CERS6: variants seen among roughly 807,000 people sequenced by gnomAD.
CERS6 encodes the protein ceramide synthase 6.
In CERS6, 26 loss-of-function variants were observed where a neutral mutation model predicts 56.8. The ratio of observed to expected loss-of-function variants is 0.46; its 90% confidence interval spans 0.34 to 0.63. CERS6 has a LOEUF of 0.63. CERS6 is among the 30% of genes least tolerant of loss of function. The probability of loss-of-function intolerance (pLI) is 0.01; values close to 1 mark genes in which losing one functional copy is unlikely to be tolerated. For synonymous variants in CERS6, 164 were observed against 173.3 expected, an observed-to-expected ratio of 0.95 and a Z score of 0.42; for missense variants, 415 against 467.5, an observed-to-expected ratio of 0.89 and a Z score of 1.04.
chr2:168,497,878 A>G (rs1694500959), intron 1 of CERS6, among the ~76,000 whole-genome samples: 1 of 152,300 alleles, frequency 6.6e-6, no homozygotes, highest in East Asian at 1.9e-4. Context: ...CTGGAGATGA[A>G]GGTGGCTCTG....
intron 1 of CERS6, among the ~76,000 whole-genome samples, chr2:168,479,303 G>A (rs1694134301): frequency 6.6e-6 from 1 of 151,714 alleles, no homozygotes; most frequent in South Asian, 2.1e-4. Flanking sequence ...ATGTTTACTT[G>A]TTCAAAATGA....
intron 8 of CERS6, among the ~76,000 whole-genome samples, chr2:168,753,380 A>C (rs968926803): frequency 6.6e-6 from 1 of 152,244 alleles, no homozygotes; most frequent in Non-Finnish European, 1.5e-5. Context: ...GTTATTATTC[A>C]GTGCATATAG....
intron 1 of CERS6, among the ~76,000 whole-genome samples, chr2:168,466,842 G>A (rs1693889848): frequency 1.3e-5 from 2 of 152,120 alleles, no homozygotes; most frequent in African/African-American, 2.4e-5. Flanking sequence ...TACACAAATG[G>A]TTTTTAATTG....
intron 3 of CERS6, among the ~76,000 whole-genome samples, chr2:168,628,384 A>C (rs1445827196): frequency 6.6e-6 from 1 of 152,182 alleles, no homozygotes; most frequent in Admixed American, 6.5e-5. Context: ...TGATGTCTAT[A>C]GACTTGGCCC....
rs1340665115 is a variant in CERS6, at chr2:168,712,368, T to C, written c.610-2633T>C. ...CCAAGGGAATGTTGTAGGATGGAGT[T>C]TATGAAGACATCTGTAAGAATAAAA... On this transcript the variant is annotated intron_variant, in intron 6 of 9. Coordinates refer to ENST00000305747, the MANE Select transcript of CERS6 (RefSeq NM_203463.3). Among the ~76,000 whole-genome samples the C allele has an allele frequency of 6.6e-5, 10 of 152,336 alleles. No individual in the cohort carries two copies. The South Asian group carries it at 1.5e-3, about 22-fold the overall frequency.
Position 168,631,054 on chromosome 2 carries a change from C to G in CERS6, c.465+12C>G. 1 of 1,405,492 alleles carries G rather than the reference C, an allele frequency of 7.1e-7. No homozygotes were observed. The highest frequency in any genetic ancestry group is 2.4e-5 in the East Asian group (1 of 40,992). The allele number at this position is 1,405,492 out of a possible 1,614,324, so 87.1% of individuals were successfully genotyped here. ...GATTCCTGAAAAAGGTAGGATCTCT[C>G]AAACTATTTTACATGATTCTTATGT... On this transcript the variant is annotated intron_variant, in intron 4 of 9. Coordinates refer to ENST00000305747, the MANE Select transcript of CERS6 (RefSeq NM_203463.3).
At chr2:168,635,557 C>A (rs1684843823) in intron 4 of CERS6, among the ~76,000 whole-genome samples, 1 of 152,212 alleles carries the variant, frequency 6.6e-6, no homozygotes, top group Admixed American at 6.5e-5. Context: ...GCGGCTTGCA[C>A]AGTCTCTGCT....
At chr2:168,679,695 A>G (rs1686161746) in intron 4 of CERS6, among the ~76,000 whole-genome samples, 1 of 152,208 alleles carries the variant, frequency 6.6e-6, no homozygotes, top group African/African-American at 2.4e-5. Context: ...GAATCAGGTC[A>G]TTGGCCAACG....
chr2:168,552,537 G>T (rs1456701939), intron 2 of CERS6, among the ~76,000 whole-genome samples: 2 of 152,164 alleles, frequency 1.3e-5, no homozygotes, highest in African/African-American at 4.8e-5. Context: ...GAAGTGAAAA[G>T]CATGAAGTGT....
At chr2:168,636,297 A>G (rs1374948828) in intron 4 of CERS6, among the ~76,000 whole-genome samples, 12 of 152,224 alleles carry the variant, frequency 7.9e-5, no homozygotes, top group Non-Finnish European at 1.5e-4. Context: ...GTTAAAAACA[A>G]TAACAACAAC....
rs1684850986 is a variant in CERS6 at position 168,771,128 on chromosome 2, A to G, written c.*1466A>G. The G allele has an allele frequency of 6.6e-6, 1 of 152,274 alleles. No homozygotes were observed. The highest frequency in any genetic ancestry group is 1.5e-5 in the Non-Finnish European group (1 of 68,050). The allele number at this position is 152,274 out of a possible 1,614,324, so 9.4% of individuals were successfully genotyped here. ...AGAACGAACCCCAAACAAAAATGCC[A>G]TAATATAAATGTGTGAATCAGGGCT... On this transcript the variant is annotated 3_prime_UTR_variant, in exon 10 of 10. Coordinates refer to ENST00000305747, the MANE Select transcript of CERS6 (RefSeq NM_203463.3).
intron 4 of CERS6, among the ~76,000 whole-genome samples, chr2:168,644,777 G>C (rs943933232): frequency 1.3e-5 from 2 of 151,998 alleles, no homozygotes; most frequent in Admixed American, 1.3e-4. Context: ...GAAGAGATAA[G>C]CAACATGTTC....
intron 1 of CERS6, among the ~76,000 whole-genome samples, chr2:168,491,987 T>C (rs1209094470): frequency 6.6e-6 from 1 of 152,238 alleles, no homozygotes; most frequent in African/African-American, 2.4e-5. Context: ...CCATGGTGTA[T>C]ATGTGCCACA....
At chr2:168,507,592 A>G (rs1025477857) in intron 1 of CERS6, among the ~76,000 whole-genome samples, 3 of 152,078 alleles carry the variant, frequency 2.0e-5, no homozygotes, top group African/African-American at 7.2e-5. Flanking sequence ...TGGTCATGCT[A>G]GTGTATGCCA....
At chr2:168,709,157 C>T (rs969015230) in intron 6 of CERS6, among the ~76,000 whole-genome samples, 3 of 152,054 alleles carry the variant, frequency 2.0e-5, no homozygotes, top group African/African-American at 7.2e-5. Flanking sequence ...ACCGAATTAA[C>T]GATGCTGATT....
intron 1 of CERS6, among the ~76,000 whole-genome samples, chr2:168,534,044 C>T (rs528189763): frequency 5.3e-5 from 8 of 152,102 alleles, no homozygotes; most frequent in East Asian, 1.9e-4. Flanking sequence ...ACGAAGTTCT[C>T]GTGCTGTGTT....
chr2:168,618,158 A>G (rs1684364580), intron 3 of CERS6, among the ~76,000 whole-genome samples: 1 of 152,222 alleles, frequency 6.6e-6, no homozygotes, highest in Non-Finnish European at 1.5e-5. Flanking sequence ...AGACCAAGAA[A>G]AAGCATTTGA....
At chr2:168,721,973 A>G (rs1683188515) in intron 8 of CERS6, among the ~76,000 whole-genome samples, 3 of 152,200 alleles carry the variant, frequency 2.0e-5, no homozygotes, top group Non-Finnish European at 4.4e-5. Flanking sequence ...CCAGCAATGT[A>G]TGAGAGTTCT....
At chr2:168,652,668 A>G (rs1396653121) in intron 4 of CERS6, among the ~76,000 whole-genome samples, 1 of 151,256 alleles carries the variant, frequency 6.6e-6, no homozygotes, top group Non-Finnish European at 1.5e-5. Context: ...GGATTTGATT[A>G]TTTGCAAGTA....
Sources: gnomAD v4.1 joint callset for allele counts (sites outside exome capture counted in the v4.1 genomes callset) on GRCh38, gnomAD v4.1.1 for gene constraint, MANE v1.5 for transcripts, NCBI Gene and HGNC (gene_info 2026-07-23, HGNC 2026-07-21) for gene names.